The following PPP1R9A variants were observed in gnomAD, a reference collection of about 807,000 sequenced individuals.
The protein encoded by PPP1R9A is neurabin-1.
Under a neutral mutation model 141.9 loss-of-function variants are expected in PPP1R9A, and 59 were observed. That is an observed-to-expected ratio of 0.42 (90% CI 0.34 to 0.52). PPP1R9A has a LOEUF of 0.52. PPP1R9A is among the 20% of genes least tolerant of loss of function. The pLI, the probability that PPP1R9A is intolerant of heterozygous loss-of-function variation, is 0.10. For synonymous variants in PPP1R9A, 500 were observed against 569.7 expected, an observed-to-expected ratio of 0.88 and a Z score of 1.74; for missense variants, 1,444 against 1,611.9, an observed-to-expected ratio of 0.90 and a Z score of 1.78.
At chr7:95,216,464 C>T (rs1372896537) in intron 7 of PPP1R9A, among the ~76,000 whole-genome samples, 1 of 152,008 alleles carries the variant, frequency 6.6e-6, no homozygotes, top group Non-Finnish European at 1.5e-5. Flanking sequence ...TTTTTGGTTC[C>T]GTATGAACTT....
At position 95,087,911 on chromosome 7, in the gene PPP1R9A, GA is replaced by G. The variant is rs796943272; in HGVS notation, c.1396-23335del. On this transcript the variant is annotated intron_variant, in intron 2 of 19. Transcript: ENST00000433360. ...CTCCATCTCAAAAAAAAGAGAGAGA[GA>G]AAAAAAAAAAAAGGAATCATGAAAG... 5.3e-3 allele frequency among the ~76,000 whole-genome samples: 621 copies of G among 116,352 alleles called. 11 individuals are homozygous for G. The highest frequency in any genetic ancestry group is 0.011 in the African/African-American group (360 of 31,778). The allele number at this position is 116,352 out of a possible 152,430, so 76.3% of individuals were successfully genotyped here.
At chr7:95,093,948 C>G (rs758832626) in intron 2 of PPP1R9A, among the ~76,000 whole-genome samples, 7 of 152,164 alleles carry the variant, frequency 4.6e-5, no homozygotes, top group Non-Finnish European at 7.4e-5. Flanking sequence ...AGACACATTG[C>G]TTCTAAAACA....
In PPP1R9A at chr7:95,282,453, A is replaced by G. The variant is rs568275041; in HGVS notation, c.3297-1565A>G. On this transcript the variant is annotated intron_variant, in intron 16 of 19. Transcript: ENST00000433360. ...AGGCTAAGTGGAAGAGGGGGATGAG[A>G]CCATCTCCATGGAGACATTCCTAGA... Among the ~76,000 whole-genome samples, 3 of 152,256 alleles carry G rather than the reference A, an allele frequency of 2.0e-5. No homozygotes were observed. The South Asian group carries it at 6.2e-4, about 32-fold the overall frequency.
At position 95,274,199 on chromosome 7, in the gene PPP1R9A, T is replaced by G. The variant is rs1358913121; in HGVS notation, c.3296+31T>G. ...GTTGTGTGATTAAGAACACGTGTAT[T>G]TCTATACCTAAACTTTCTGGCCCCC... is the stretch of plus-strand genomic sequence containing the variant. On this transcript the variant is annotated intron_variant, in intron 16 of 19. Coordinates refer to ENST00000433360, the MANE Select transcript of PPP1R9A (RefSeq NM_001166160.2). The G allele has an allele frequency of 4.1e-6, 6 of 1,480,700 alleles. No homozygotes were observed. The East Asian group carries it at 1.4e-4, about 35-fold the overall frequency. The allele number at this position is 1,480,700 out of a possible 1,614,324, so 91.7% of individuals were successfully genotyped here. A position where few individuals can be genotyped will look rare whatever the true frequency, so the allele number is the denominator to read the frequency against.
intron 2 of PPP1R9A, among the ~76,000 whole-genome samples, chr7:95,051,291 G>A (rs1810765887): frequency 6.6e-6 from 1 of 151,978 alleles, no homozygotes; most frequent in African/African-American, 2.4e-5. Flanking sequence ...GATCAGTCAA[G>A]CATATTTATA....
At chr7:95,056,637 T>G (rs1361230834) in intron 2 of PPP1R9A, among the ~76,000 whole-genome samples, 1 of 152,136 alleles carries the variant, frequency 6.6e-6, no homozygotes, top group Non-Finnish European at 1.5e-5. Context: ...CATGCATTGT[T>G]TGACCATATT....
intron 2 of PPP1R9A, among the ~76,000 whole-genome samples, chr7:95,055,413 T>A (rs1264185955): frequency 6.6e-6 from 1 of 152,096 alleles, no homozygotes; most frequent in Non-Finnish European, 1.5e-5. Context: ...TTATAAGTCC[T>A]GTTAATTCTT....
At chr7:95,160,708 A>G (rs765267856) in intron 4 of PPP1R9A, among the ~76,000 whole-genome samples, 23 of 151,936 alleles carry the variant, frequency 1.5e-4, no homozygotes, top group Middle Eastern at 3.4e-3. Context: ...CCCAGTTTCT[A>G]TTGTTGCCGC....
chr7:95,168,944 A>G (rs1366712430), intron 5 of PPP1R9A, among the ~76,000 whole-genome samples: 1 of 152,072 alleles, frequency 6.6e-6, no homozygotes, highest in Non-Finnish European at 1.5e-5. Context: ...TGGGGATATA[A>G]GTTAATACAG....
intron 2 of PPP1R9A, among the ~76,000 whole-genome samples, chr7:95,061,613 G>A (rs1182791491): frequency 6.6e-6 from 1 of 152,010 alleles, no homozygotes; most frequent in Non-Finnish European, 1.5e-5. Flanking sequence ...GTGCACACCC[G>A]TGGTCTCAGC....
intron 12 of PPP1R9A, among the ~76,000 whole-genome samples, chr7:95,263,673 G>A (rs1467990986): frequency 6.6e-6 from 1 of 152,112 alleles, no homozygotes; most frequent in Non-Finnish European, 1.5e-5. Flanking sequence ...GCCTCCCAAA[G>A]TGCTGAGATT....
At chr7:95,137,563 G>A (rs1825894538) in intron 4 of PPP1R9A, among the ~76,000 whole-genome samples, 1 of 152,142 alleles carries the variant, frequency 6.6e-6, no homozygotes, top group East Asian at 1.9e-4. Flanking sequence ...TATTTGGCAG[G>A]TAAATAAATG....
intron 4 of PPP1R9A, among the ~76,000 whole-genome samples, chr7:95,139,247 G>A (rs1481672327): frequency 6.6e-6 from 1 of 152,158 alleles, no homozygotes; most frequent in Non-Finnish European, 1.5e-5. Context: ...GGCAGCAGGA[G>A]AGAGAATGAG....
chr7:95,058,566 G>A (rs562219984), intron 2 of PPP1R9A, among the ~76,000 whole-genome samples: 1 of 152,204 alleles, frequency 6.6e-6, no homozygotes, highest in Admixed American at 6.6e-5. Flanking sequence ...TTGCTAGAGA[G>A]GCAGGAAGAA....
intron 8 of PPP1R9A, among the ~76,000 whole-genome samples, chr7:95,244,948 GTAATTT>G (rs1797920221): frequency 6.6e-6 from 1 of 152,314 alleles, no homozygotes; most frequent in Non-Finnish European, 1.5e-5. Flanking sequence ...AAGAGGTTAA[GTAATTT>G]TCTAATGCTC....
chr7:95,115,000 G>A (rs1051801349), intron 3 of PPP1R9A, among the ~76,000 whole-genome samples: 2 of 150,894 alleles, frequency 1.3e-5, no homozygotes, highest in Non-Finnish European at 3.0e-5. Flanking sequence ...GCAAAAAATG[G>A]ACCTGTCTTA....
chr7:94,960,795 G>A (rs144640178), intron 2 of PPP1R9A, among the ~76,000 whole-genome samples: 53 of 151,522 alleles, frequency 3.5e-4, no homozygotes, highest in African/African-American at 9.9e-4. Flanking sequence ...TTTTAATCCA[G>A]ATCTCCTTCG....
At chr7:95,079,563 G>C (rs1815448316) in intron 2 of PPP1R9A, among the ~76,000 whole-genome samples, 2 of 151,894 alleles carry the variant, frequency 1.3e-5, no homozygotes, top group African/African-American at 4.8e-5. Flanking sequence ...AATAGAAAAA[G>C]AGGGAATCCT....
At position 95,120,725 on chromosome 7, in the gene PPP1R9A, T is replaced by C. The variant is rs775126103; in HGVS notation, c.1542T>C (p.Leu514=). ...PVELEKDEDG[L]GISIIGMGVG... The stretch of plus-strand genomic sequence containing the variant: ...TCTTTTTAATAGATGAGGATGGTCT[T>C]GGTATAAGTATTATTGGAATGGGTG... The change falls in exon 4 of 20, where the codon CTT becomes CTC. Residue 514 remains leucine, a synonymous_variant. Coordinates refer to ENST00000433360, the MANE Select transcript of PPP1R9A (RefSeq NM_001166160.2). The C allele has an allele frequency of 6.2e-7, 1 of 1,613,476 alleles. No homozygotes were observed. The highest frequency in any genetic ancestry group is 1.1e-5 in the South Asian group (1 of 90,912).
Sources: allele counts gnomAD v4.1 joint callset (sites outside exome capture counted in the v4.1 genomes callset), GRCh38; gene constraint gnomAD v4.1.1; transcripts MANE v1.5; gene names NCBI Gene and HGNC (gene_info 2026-07-23, HGNC 2026-07-21).